FOSB: variants seen among roughly 807,000 people sequenced by gnomAD.
FOSB encodes the protein FosB proto-oncogene, AP-1 transcription factor subunit, also known as protein FosB.
FOSB carries 8 observed loss-of-function variants against 31.1 expected under a neutral mutation model. The ratio of observed to expected loss-of-function variants is 0.26; its 90% CI spans 0.15 to 0.46. The LOEUF (loss-of-function observed/expected upper bound fraction) is 0.46. Among genes scored for constraint, FOSB ranks in the 20% least tolerant of loss-of-function variants. FOSB has a pLI of 0.99. For missense variants in FOSB, 376 were observed against 460.6 expected (o/e 0.82, Z 1.68); for synonymous variants, 214 against 206.1 (o/e 1.04, Z -0.33).
rs760716088 is a variant in FOSB, at chr19:45,472,693, G to A, written c.698G>A (p.Gly233Asp). The A allele has an allele frequency of 1.9e-6, 3 of 1,608,544 alleles. No individual in the cohort carries two copies. The highest frequency in any genetic ancestry group is 3.4e-5 in the Admixed American group (2 of 58,852). Residue 233 changes from glycine (G) to aspartate (D), a missense_variant, in exon 4 of 4, where the codon GGC (glycine) becomes GAC (aspartate). Gly to Asp is a moderately conservative substitution (Grantham distance 94). This residue lies in a region of FOSB where 148 missense variants were observed against 170.0 expected (regional missense o/e 0.87). Transcript: ENST00000353609. This position sits in a 1 kb window ranked among gnomAD's most constrained non-coding sequence, Gnocchi z 5.4. ...CCCTACGAAGAGGGGCCCGGGCCGG[G>A]CCCGCTGGCGGAGGTGAGAGATTTG... ...KIPYEEGPGP[G>D]PLAEVRDLPG...
In FOSB at chr19:45,468,666, C is replaced by T. The variant is rs754434097; in HGVS notation, c.80C>T (p.Ser27Phe). Reference protein sequence around the residue: ...SSPSAESQYLSSVDSFGSPPT... With the variant: ...SSPSAESQYLFSVDSFGSPPT... ...CCCTCTGCCGAGTCTCAATATCTGTCTTCGGTGGACTCCTTCGGCAGTCCA... is the reference window on the plus strand; with the variant it reads ...CCCTCTGCCGAGTCTCAATATCTGTTTTCGGTGGACTCCTTCGGCAGTCCA... The change falls in exon 1 of 4, where the codon TCT (serine) becomes TTT (phenylalanine). Residue 27 changes from serine (S) to phenylalanine (F), a missense_variant. Physicochemically the swap from Ser to Phe is radical, Grantham distance 155. Around this residue, in one of 3 missense-constraint regions of FOSB, gnomAD observed 193 missense variants for 207.1 expected, o/e 0.93. Coordinates refer to ENST00000353609, the MANE Select transcript of FOSB (RefSeq NM_006732.3). The surrounding 1 kb of genome is among the most constrained non-coding windows in gnomAD (Gnocchi z 4.8). The T allele has an allele frequency of 1.2e-6, 2 of 1,613,552 alleles. No individual in the cohort carries two copies. The highest frequency in any genetic ancestry group is 1.7e-6 in the Non-Finnish European group (2 of 1,179,832).
At position 45,470,842 on chromosome 19, in the gene FOSB, A is replaced by C. The variant is rs758176585; in HGVS notation, c.340A>C (p.Ser114Arg). The change falls in exon 2 of 4, where the codon AGT becomes CGT. Residue 114 changes from serine to arginine, a missense_variant. Physicochemically the swap from Ser to Arg is moderately radical, Grantham distance 110. Transcript: ENST00000353609. The part of the protein sequence containing the change: ...YSTPGMSGYS[S>R]GGASGSGGPS... The stretch of plus-strand genomic sequence containing the variant: ...CACACCAGGCATGAGTGGCTACAGC[A>C]GTGGCGGAGCGAGTGGCAGTGGTGG... 7 of 1,614,054 alleles carry C rather than the reference A, an allele frequency of 4.3e-6. No homozygotes were observed. The highest frequency in any genetic ancestry group is 5.9e-6 in the Non-Finnish European group (7 of 1,179,998).
In FOSB at chr19:45,473,120, G is replaced by C. The variant is rs1045127138; in HGVS notation, c.*108G>C. 1 of 987,924 alleles carries C rather than the reference G, an allele frequency of 1.0e-6. No individual in the cohort carries two copies. Among genetic ancestry groups the C allele is most frequent in the African/African-American group, 1.6e-5 (1 of 62,310 alleles). The allele number at this position is 987,924 out of a possible 1,614,324, so 61.2% of individuals were successfully genotyped here. On this transcript the variant is annotated 3_prime_UTR_variant, in exon 4 of 4. Transcript: ENST00000353609. ...AGGGGAAGAGACAAAGTGGGTGTGT[G>C]GCCTCCCTGGCTCCTCCGTCTGACC...
chr19:45,473,030 A>C lies in FOSB; in HGVS notation c.*18A>C. Reference sequence around the variant, plus strand: ...CTCTGTGAACTCTTTAGACACACAAAACAAACAAACACATGGGGGAGAGAG... The same window carrying C: ...CTCTGTGAACTCTTTAGACACACAACACAAACAAACACATGGGGGAGAGAG... On this transcript the variant is annotated 3_prime_UTR_variant, in exon 4 of 4. Coordinates refer to ENST00000353609, the MANE Select transcript of FOSB (RefSeq NM_006732.3). 1.3e-6 allele frequency: 2 copies of C among 1,587,412 alleles called. No individual in the cohort carries two copies. The highest frequency in any genetic ancestry group is 1.7e-6 in the Non-Finnish European group (2 of 1,166,250).
In FOSB at chr19:45,470,710, C is replaced by T. The variant is rs1261025313; in HGVS notation, c.208C>T (p.Leu70Phe). Residue 70 changes from leucine (L) to phenylalanine (F), a missense_variant, in exon 2 of 4, where the codon CTT (leucine) becomes TTT (phenylalanine). Around this residue, in one of 3 missense-constraint regions of FOSB, gnomAD observed 193 missense variants for 207.1 expected, o/e 0.93. Transcript: ENST00000353609. ...AITTSQDLQW[L>F]VQPTLISSMA... ...CACAACCAGCCAGGACCTCCAGTGG[C>T]TTGTGCAACCCACCCTCATCTCTTC... 5.0e-6 allele frequency: 8 copies of T among 1,613,654 alleles called. No individual in the cohort carries two copies. The highest frequency in any genetic ancestry group is 6.8e-6 in the Non-Finnish European group (8 of 1,180,018).
Position 45,473,176 on chromosome 19 carries a change from C to T in FOSB, c.*164C>T. 1 of 640,272 alleles carries T rather than the reference C, an allele frequency of 1.6e-6. No homozygotes were observed. The highest frequency in any genetic ancestry group is 2.7e-6 in the Non-Finnish European group (1 of 371,366). The allele number at this position is 640,272 out of a possible 1,614,324, so 39.7% of individuals were successfully genotyped here. On this transcript the variant is annotated 3_prime_UTR_variant, in exon 4 of 4. Transcript: ENST00000353609. ...CGGCCACTGCGCCACTGCCATCGGA[C>T]AGGAGGATTCCTTGTGTTTTGTCCT...
Position 45,474,699 on chromosome 19 carries a change from T to A in FOSB, c.*1687T>A, listed in dbSNP as rs189826787. On this transcript the variant is annotated 3_prime_UTR_variant, in exon 4 of 4. Transcript: ENST00000353609. ...TGGCCCTCAAAGCGAGCCGTTGAAT[T>A]GGAAACTGCTTCTAGAAACTCTGGC... is the stretch of plus-strand genomic sequence containing the variant. 62 of 152,296 alleles carry A rather than the reference T, an allele frequency of 4.1e-4. No individual in the cohort carries two copies. The highest frequency in any genetic ancestry group is 1.5e-3 in the African/African-American group (61 of 41,508). The allele number at this position is 152,296 out of a possible 1,614,324, so 9.4% of individuals were successfully genotyped here. A position where few individuals can be genotyped will look rare whatever the true frequency, so the allele number is the denominator to read the frequency against.
At chr19:45,469,370 AG>A (rs1030432794) in intron 1 of FOSB, among the ~76,000 whole-genome samples, 2 of 152,138 alleles carry the variant, frequency 1.3e-5, no homozygotes, top group Non-Finnish European at 2.9e-5. Flanking sequence ...TTGCTAAGGG[AG>A]GGGGCAGCCC....
rs1478848470 is a variant in FOSB at position 45,470,778 on chromosome 19, G to A, written c.276G>A (p.Pro92=). ...SQGQPLASQP[P]VVDPYDMPGT... is the part of the protein sequence containing the mutation. ...GGCAGCCACTGGCCTCCCAGCCCCC[G>A]GTCGTCGACCCCTACGACATGCCGG... Residue 92 remains proline (P), a synonymous_variant, in exon 2 of 4, where the codon CCG becomes CCA. Transcript: ENST00000353609. 2.2e-5 allele frequency: 36 copies of A among 1,613,778 alleles called. No homozygotes were observed. Among genetic ancestry groups the A allele is most frequent in the Non-Finnish European group, 3.1e-5 (36 of 1,180,022 alleles).
Position 45,472,939 on chromosome 19 carries a change from C to A in FOSB, c.944C>A (p.Ala315Asp). 6.2e-7 allele frequency: 1 copy of A among 1,613,782 alleles called. No individual in the cohort carries two copies. The highest frequency in any genetic ancestry group is 8.5e-7 in the Non-Finnish European group (1 of 1,180,044). The change falls in exon 4 of 4, where the codon GCC becomes GAC. Residue 315 changes from alanine (A) to aspartate (D), a missense_variant. By Grantham distance (126) the Ala-to-Asp change is moderately radical. Coordinates refer to ENST00000353609, the MANE Select transcript of FOSB (RefSeq NM_006732.3). The surrounding 1 kb of genome is among the most constrained non-coding windows in gnomAD (Gnocchi z 5.4). ...VLTCPEVSAFAGAQRTSGSDQ... is the reference protein window; with the variant it reads ...VLTCPEVSAFDGAQRTSGSDQ... ...ACCTGCCCGGAGGTCTCCGCGTTCG[C>A]CGGCGCCCAACGCACCAGCGGCAGT... is the stretch of plus-strand genomic sequence containing the variant.
At chr19:45,471,495 G>GGCCCC (rs1316780338) in intron 3 of FOSB, 194 bp downstream of exon 3, 20 of 399,254 alleles carry the variant, frequency 5.0e-5, no homozygotes, top group Middle Eastern at 6.3e-4. Context: ...TCAACTCCTG[G>GGCCCC]TCCCCCCCCC....
rs1967652375 is a variant in FOSB, at chr19:45,471,290, C to A, written c.544C>A (p.Arg182=). The A allele has an allele frequency of 6.4e-7, 1 of 1,561,164 alleles. No individual in the cohort carries two copies. Among genetic ancestry groups the A allele is most frequent in the Non-Finnish European group, 8.7e-7 (1 of 1,152,120 alleles). Residue 182 remains arginine (R), a synonymous_variant, in exon 3 of 4, where the codon CGA becomes AGA. Coordinates refer to ENST00000353609, the MANE Select transcript of FOSB (RefSeq NM_006732.3). ...CRNRRRELTD[R]LQAETDQLEE... ...GAACCGGCGGAGGGAGCTGACCGACCGACTCCAGGCGGTGAGGACAGGCCC... is the reference window on the plus strand; with the variant it reads ...GAACCGGCGGAGGGAGCTGACCGACAGACTCCAGGCGGTGAGGACAGGCCC...
chr19:45,470,522 C>A (rs952454220), intron 1 of FOSB, 107 bp from the exon 2 acceptor site: 1 of 1,153,270 alleles, frequency 8.7e-7, no homozygotes, highest in Non-Finnish European at 1.2e-6. Context: ...CACTCGCTCA[C>A]CCTGTGCTCA....
chr19:45,472,536 C>A lies in FOSB; in HGVS notation c.556-15C>A. Reference sequence around the variant, plus strand: ...TTCCTCTCTCTCTTCTGTGACCTGGCCTCCCTGGCCTCAGGAGACAGATCA... The same window carrying A: ...TTCCTCTCTCTCTTCTGTGACCTGGACTCCCTGGCCTCAGGAGACAGATCA... On this transcript the variant is annotated splice_polypyrimidine_tract_variant and intron_variant, in intron 3 of 3. Coordinates refer to ENST00000353609, the MANE Select transcript of FOSB (RefSeq NM_006732.3). The surrounding 1 kb of genome is among the most constrained non-coding windows in gnomAD (Gnocchi z 5.4). 1 of 1,498,108 alleles carries A rather than the reference C, an allele frequency of 6.7e-7. No homozygotes were observed. Among genetic ancestry groups the A allele is most frequent in the South Asian group, 1.4e-5 (1 of 72,462 alleles). The allele number at this position is 1,498,108 out of a possible 1,614,324, so 92.8% of individuals were successfully genotyped here. A position where few individuals can be genotyped will look rare whatever the true frequency, so the allele number is the denominator to read the frequency against.
rs779006789 is a variant in FOSB, at chr19:45,472,908, G to A, written c.913G>A (p.Val305Ile). 1.2e-6 allele frequency: 2 copies of A among 1,614,090 alleles called. No homozygotes were observed. The highest frequency in any genetic ancestry group is 1.1e-5 in the South Asian group (1 of 91,086). The change falls in exon 4 of 4, where the codon GTC becomes ATC. Residue 305 changes from valine (V) to isoleucine (I), a missense_variant. Physicochemically the swap from Val to Ile is conservative, Grantham distance 29. Transcript: ENST00000353609. This position sits in a 1 kb window ranked among gnomAD's most constrained non-coding sequence, Gnocchi z 5.4. The stretch of plus-strand genomic sequence containing the variant: ...TAACCCTTCGTACACTTCTTCGTTT[G>A]TCCTCACCTGCCCGGAGGTCTCCGC... ...VVNPSYTSSF[V>I]LTCPEVSAFA... is the part of the protein sequence containing the mutation.
At chr19:45,471,613 A>T (rs997982491) in intron 3 of FOSB, 7 of 257,294 alleles carry the variant, frequency 2.7e-5, no homozygotes, top group African/African-American at 1.5e-4. Context: ...TCTGGTCTTC[A>T]GCAAGTAACA....
At position 45,472,284 on chromosome 19, in the gene FOSB, C is replaced by T. The variant is rs1392309406; in HGVS notation, c.556-267C>T. Among the ~76,000 whole-genome samples the T allele has an allele frequency of 6.6e-6, 1 of 152,160 alleles. No individual in the cohort carries two copies. The highest frequency in any genetic ancestry group is 1.5e-5 in the Non-Finnish European group (1 of 68,006). The stretch of plus-strand genomic sequence containing the variant: ...ACGATTGTTCATTCATTCAACAAAC[C>T]TCCTGCACACCAGAAACTTCCCCAT... On this transcript the variant is annotated intron_variant, in intron 3 of 3. Transcript: ENST00000353609. The surrounding 1 kb of genome is among the most constrained non-coding windows in gnomAD (Gnocchi z 5.4).
At chr19:45,470,130 T>A (rs1303035155) in intron 1 of FOSB, 1 of 162,312 alleles carries the variant, frequency 6.2e-6, no homozygotes, top group Non-Finnish European at 1.3e-5. Flanking sequence ...CCCTTTTGAC[T>A]GGGACCCCCG....
rs1321534693 is a variant in FOSB at position 45,468,022 on chromosome 19, C to A, written c.-565C>A. 6.6e-6 allele frequency: 1 copy of A among 152,176 alleles called. No homozygotes were observed. Among genetic ancestry groups the A allele is most frequent in the African/African-American group, 2.4e-5 (1 of 41,344 alleles). The allele number at this position is 152,176 out of a possible 1,614,324, so 9.4% of individuals were successfully genotyped here. ...TTCATAAGACTCAGAGCTACGGCCA[C>A]GGCAGGGACACGCGGAACCAAGACT... On this transcript the variant is annotated 5_prime_UTR_variant, in exon 1 of 4. Transcript: ENST00000353609. The surrounding 1 kb of genome is among the most constrained non-coding windows in gnomAD (Gnocchi z 4.8).
Sources: gnomAD v4.1 joint callset for allele counts (sites outside exome capture counted in the v4.1 genomes callset) on GRCh38, gnomAD v4.1.1 for gene constraint, gnomAD v4.1.1 regional missense constraint, Gnocchi (gnomAD v3.1) non-coding constraint, MANE v1.5 for transcripts, NCBI Gene and HGNC (gene_info 2026-07-23, HGNC 2026-07-21) for gene names.